IMPG2: variants seen among roughly 807,000 people sequenced by gnomAD.
IMPG2 encodes interphotoreceptor matrix proteoglycan 2.
In IMPG2, 91 loss-of-function variants were observed where a neutral mutation model predicts 129.2. That is an observed-to-expected ratio of 0.70 (90% CI 0.59 to 0.84). IMPG2 has a LOEUF of 0.84. IMPG2 is among the 40% of genes least tolerant of loss of function. The pLI, the probability that IMPG2 is intolerant of heterozygous loss-of-function variation, is 0.00. For synonymous variants in IMPG2, 510 were observed against 517.7 expected, an observed-to-expected ratio of 0.99 and a Z score of 0.20; for missense variants, 1,430 against 1,461.7, an observed-to-expected ratio of 0.98 and a Z score of 0.35.
intron 3 of IMPG2, among the ~76,000 whole-genome samples, chr3:101,292,534 T>C (rs568177771): frequency 6.6e-6 from 1 of 152,344 alleles, no homozygotes; most frequent in East Asian, 1.9e-4. Context: ...CAGCAAGTCA[T>C]CATCTTTCTG....
chr3:101,277,870 G>A (rs546373510), intron 4 of IMPG2, among the ~76,000 whole-genome samples: 1 of 152,188 alleles, frequency 6.6e-6, no homozygotes, highest in Non-Finnish European at 1.5e-5. Context: ...GAGGAAAAGG[G>A]CTATTCCCTT....
At chr3:101,244,870 T>TGACAGA in intron 12 of IMPG2, 83 bp from the exon 13 acceptor site, 1 of 1,192,300 alleles carries the variant, frequency 8.4e-7, no homozygotes. Flanking sequence ...AGTTGCCTGT[T>TGACAGA]TTTTCCCTGT....
At chr3:101,229,323 C>T in intron 17 of IMPG2, 57 bp downstream of exon 17, 1 of 804,644 alleles carries the variant, frequency 1.2e-6, no homozygotes, top group Non-Finnish European at 2.0e-6. Context: ...ACCCCCTGCT[C>T]CCCCACACAC....
At chr3:101,275,177 C>T (rs1371409732) in intron 6 of IMPG2, among the ~76,000 whole-genome samples, 1 of 151,926 alleles carries the variant, frequency 6.6e-6, no homozygotes, top group Non-Finnish European at 1.5e-5. Context: ...TTTTTGTTAA[C>T]CTGTATGTAT....
chr3:101,260,153 A>G (rs1266683927), intron 9 of IMPG2, among the ~76,000 whole-genome samples: 1 of 152,090 alleles, frequency 6.6e-6, no homozygotes, highest in Non-Finnish European at 1.5e-5. Context: ...CACCTGCCAT[A>G]TAAGGAAGCA....
Position 101,239,588 on chromosome 3 carries a change from A to G in IMPG2, c.3022+3100T>C, listed in dbSNP as rs564042727. ...TTGCTGCCTATATACCCAAAGGATT[A>G]TAAATCATTCTACTATAAAGACACA... On this transcript the variant is annotated intron_variant, in intron 14 of 18. Transcript: ENST00000193391. 2.3e-3 allele frequency among the ~76,000 whole-genome samples: 357 copies of G among 152,346 alleles called. 1 individual carries two copies. The highest frequency in any genetic ancestry group is 8.1e-3 in the African/African-American group (335 of 41,584).
At chr3:101,317,580 T>G (rs1392170531) in intron 2 of IMPG2, among the ~76,000 whole-genome samples, 1 of 152,166 alleles carries the variant, frequency 6.6e-6, no homozygotes, top group South Asian at 2.1e-4. Flanking sequence ...AGACCTATGT[T>G]AAAATACTCA....
chr3:101,289,969 C>G (rs1393483482), intron 4 of IMPG2, among the ~76,000 whole-genome samples: 2 of 150,210 alleles, frequency 1.3e-5, no homozygotes, highest in Non-Finnish European at 3.0e-5. Flanking sequence ...GCCATTCATT[C>G]ACTGATGAGA....
At chr3:101,278,888 T>C (rs1315547312) in intron 4 of IMPG2, among the ~76,000 whole-genome samples, 1 of 152,160 alleles carries the variant, frequency 6.6e-6, no homozygotes, top group Non-Finnish European at 1.5e-5. Context: ...ACAAGTTATT[T>C]TGATGAGCAG....
chr3:101,301,579 A>G (rs1250772103), intron 3 of IMPG2, among the ~76,000 whole-genome samples: 2 of 152,176 alleles, frequency 1.3e-5, no homozygotes, highest in Admixed American at 6.5e-5. Context: ...AAGTGAACTC[A>G]TTCTCCCTGC....
Position 101,257,528 on chromosome 3 carries a change from C to A in IMPG2, c.1153+1G>T. The A allele has an allele frequency of 6.2e-7, 1 of 1,613,186 alleles. No homozygotes were observed. Among genetic ancestry groups the A allele is most frequent in the Non-Finnish European group, 8.5e-7 (1 of 1,179,396 alleles). ...GACTTCATGATGGATATCAAACTCA[C>A]CATTGATAAGCTGCAGGGAATCAGG... is the stretch of plus-strand genomic sequence containing the variant. On this transcript the variant is annotated splice_donor_variant, in intron 10 of 18. Coordinates refer to ENST00000193391, the MANE Select transcript of IMPG2 (RefSeq NM_016247.4). LOFTEE classifies it high-confidence loss of function.
At chr3:101,280,233 T>C (rs1157742375) in intron 4 of IMPG2, among the ~76,000 whole-genome samples, 2 of 152,218 alleles carry the variant, frequency 1.3e-5, no homozygotes, top group Admixed American at 6.5e-5. Flanking sequence ...CATAGCCACA[T>C]AGAACATATA....
At chr3:101,312,333 A>G (rs368780245) in intron 2 of IMPG2, among the ~76,000 whole-genome samples, 1 of 152,122 alleles carries the variant, frequency 6.6e-6, no homozygotes, top group Non-Finnish European at 1.5e-5. Flanking sequence ...TAATAAAAAG[A>G]CAAATAACAT....
Position 101,227,070 on chromosome 3 carries a change from T to A in IMPG2, c.3714-89A>T, listed in dbSNP as rs1024040043. 4 of 1,311,998 alleles carry A rather than the reference T, an allele frequency of 3.0e-6. No individual in the cohort carries two copies. The African/African-American group carries it at 4.4e-5, about 14-fold the overall frequency. 81.3% of individuals were successfully genotyped at this position (1,311,998 alleles called of 1,614,324 possible). On this transcript the variant is annotated intron_variant, in intron 18 of 18. Coordinates refer to ENST00000193391, the MANE Select transcript of IMPG2 (RefSeq NM_016247.4). ...ACTGTCATACATCACTAAGCTATAC[T>A]CCTAAAATCATGAATACTTTCTATT...
intron 3 of IMPG2, among the ~76,000 whole-genome samples, chr3:101,303,501 C>T (rs1314945102): frequency 1.3e-5 from 2 of 152,030 alleles, no homozygotes; most frequent in African/African-American, 2.4e-5. Context: ...GGGAGATATA[C>T]GGAATAACAA....
chr3:101,229,821 A>T (rs938454605), intron 16 of IMPG2, among the ~76,000 whole-genome samples: 1 of 152,206 alleles, frequency 6.6e-6, no homozygotes, highest in Non-Finnish European at 1.5e-5. Context: ...TCCATGTCTC[A>T]TTCATCTTAT....
At position 101,253,722 on chromosome 3, in the gene IMPG2, G is replaced by T; in HGVS notation, c.1213C>A (p.Leu405Ile). 6.2e-7 allele frequency: 1 copy of T among 1,611,900 alleles called. No individual in the cohort carries two copies. Among genetic ancestry groups the T allele is most frequent in the African/African-American group, 1.3e-5 (1 of 74,946 alleles). ...DLVWNTQSSSLQATPSSILDN... is the reference protein window; with the variant it reads ...DLVWNTQSSSIQATPSSILDN... Reference sequence around the variant, plus strand: ...AGAATAGATGACGGCGTTGCCTGAAGACTTGAACTTTGGGTGTTCCAAACT... The same window carrying T: ...AGAATAGATGACGGCGTTGCCTGAATACTTGAACTTTGGGTGTTCCAAACT... The change falls in exon 11 of 19, where the codon CTT becomes ATT. Residue 405 changes from leucine to isoleucine, a missense_variant. Physicochemically the swap from Leu to Ile is conservative, Grantham distance 5. Transcript: ENST00000193391.
intron 4 of IMPG2, among the ~76,000 whole-genome samples, chr3:101,289,569 A>T (rs1279896933): frequency 1.3e-5 from 2 of 152,178 alleles, no homozygotes; most frequent in Non-Finnish European, 2.9e-5. Context: ...GGTACTCTAA[A>T]AAACTATGGC....
chr3:101,319,523 C>G, intron 2 of IMPG2, 61 bp downstream of exon 2: 1 of 1,597,596 alleles, frequency 6.3e-7, no homozygotes, highest in Non-Finnish European at 8.6e-7. Context: ...TGTTACCTAA[C>G]AAATGATTAA....
Sources: gnomAD v4.1 joint callset for allele counts (sites outside exome capture counted in the v4.1 genomes callset) on GRCh38, gnomAD v4.1.1 for gene constraint, MANE v1.5 for transcripts, NCBI Gene and HGNC (gene_info 2026-07-23, HGNC 2026-07-21) for gene names.